Variants in PLK5 observed in about 807,000 individuals in gnomAD.
PLK5 encodes polo like kinase 5 (inactive).
A neutral mutation model predicts 33.7 loss-of-function variants in PLK5; 28 were observed. That is an observed-to-expected ratio of 0.83 (90% CI 0.62 to 1.14). The LOEUF (loss-of-function observed/expected upper bound fraction) is 1.14, where lower values mean the gene tolerates loss of function less well. Among genes scored for constraint, PLK5 ranks in the 50% most tolerant of loss-of-function variants. The pLI, the probability that PLK5 is intolerant of heterozygous loss-of-function variation, is 0.00. For missense variants in PLK5, 492 were observed against 461.5 expected, an observed-to-expected ratio of 1.07 and a Z score of -0.61; for synonymous variants, 225 against 202.2, an observed-to-expected ratio of 1.11 and a Z score of -0.96.
In PLK5 at chr19:1,524,600, CGTGTGTGT is replaced by C. The variant is rs57882577; in HGVS notation, c.-544+379_-544+386del. Among the ~76,000 whole-genome samples the C allele has an allele frequency of 0.046, 6,926 of 149,964 alleles. 513 individuals carry two copies. The highest frequency in any genetic ancestry group is 0.16 in the African/African-American group (6,432 of 40,772). The stretch of plus-strand genomic sequence containing the variant: ...AAGTGTCTGGGTGCTGTGCGGTGTT[CGTGTGTGT>C]GTGTGTGTGTGTGTGTGTGTGTGTC... On this transcript the variant is annotated intron_variant, in intron 1 of 13. Transcript: ENST00000454744. The surrounding 1 kb of genome is among the most constrained non-coding windows in gnomAD (Gnocchi z 4.5).
In PLK5 at chr19:1,524,088, G is replaced by A. The variant is rs1381037037; in HGVS notation, c.-702G>A. 6.6e-6 allele frequency: 1 copy of A among 151,236 alleles called. No individual in the cohort carries two copies. The highest frequency in any genetic ancestry group is 2.4e-5 in the African/African-American group (1 of 41,330). The allele number at this position is 151,236 out of a possible 1,614,324, so 9.4% of individuals were successfully genotyped here. On this transcript the variant is annotated 5_prime_UTR_variant, in exon 1 of 14. Coordinates refer to ENST00000454744, the MANE Select transcript of PLK5 (RefSeq NM_001243079.2). The surrounding 1 kb of genome is among the most constrained non-coding windows in gnomAD (Gnocchi z 4.5). ...GCTCCTGCGCCCTCAGAGCGGCCCC[G>A]GAGCGGCCGCAGCGCGGTGGTCTCG...
intron 12 of PLK5, 34 bp downstream of exon 12, chr19:1,531,917 G>C (rs779498048): frequency 7.0e-7 from 1 of 1,427,784 alleles, no homozygotes; most frequent in Non-Finnish European, 9.1e-7. Context: ...TGGGGGACCA[G>C]GCACTCCCCC....
chr19:1,534,633 G>A (rs1280984519), intron 13 of PLK5, among the ~76,000 whole-genome samples: 6 of 135,418 alleles, frequency 4.4e-5, no homozygotes, highest in African/African-American at 8.6e-5. Flanking sequence ...GTGAAACCCC[G>A]TCTCTACTAA....
chr19:1,527,037 G>GA, intron 6 of PLK5, 39 bp downstream of exon 6: 1 of 1,469,434 alleles, frequency 6.8e-7, no homozygotes, highest in Non-Finnish European at 9.0e-7. Flanking sequence ...GGGCCTCCGG[G>GA]GGGGGCAGGT....
chr19:1,532,993 C>G (rs1913977285), intron 12 of PLK5, among the ~76,000 whole-genome samples: 1 of 150,486 alleles, frequency 6.6e-6, no homozygotes, highest in Non-Finnish European at 1.5e-5. Context: ...AATTAGCCAA[C>G]TGCAAGGGTA....
At chr19:1,533,743 C>T (rs559720379) in intron 12 of PLK5, 188 bp from the exon 13 acceptor site, 23 of 606,280 alleles carry the variant, frequency 3.8e-5, no homozygotes, top group East Asian at 8.2e-5. Flanking sequence ...TGCCCAACTG[C>T]GGGAGGCTGG....
rs907573758 is a variant in PLK5, at chr19:1,526,541, A to G, written c.-257A>G. 3 of 281,772 alleles carry G rather than the reference A, an allele frequency of 1.1e-5. No individual in the cohort carries two copies. In the East Asian group the frequency reaches 3.7e-4, roughly 35 times the overall value. The allele number at this position is 281,772 out of a possible 1,614,324, so 17.5% of individuals were successfully genotyped here. A position where few individuals can be genotyped will look rare whatever the true frequency, so the allele number is the denominator to read the frequency against. Reference sequence around the variant, plus strand: ...ATCCTGACGGAGCCAGAAGTGCGCGACTACCTGCGGGGCCTGGTCAGCGGC... The same window carrying G: ...ATCCTGACGGAGCCAGAAGTGCGCGGCTACCTGCGGGGCCTGGTCAGCGGC... On this transcript the variant is annotated 5_prime_UTR_variant, in exon 4 of 14. Transcript: ENST00000454744.
chr19:1,534,810 CT>C (rs1914045762), intron 13 of PLK5, among the ~76,000 whole-genome samples: 1 of 126,528 alleles, frequency 7.9e-6, no homozygotes, highest in African/African-American at 3.8e-5. Context: ...GAGCAGGACT[CT>C]GTTTAAAAAA....
Position 1,530,780 on chromosome 19 carries a change from C to T in PLK5, c.568+956C>T, listed in dbSNP as rs147244292. On this transcript the variant is annotated intron_variant, in intron 11 of 13. Coordinates refer to ENST00000454744, the MANE Select transcript of PLK5 (RefSeq NM_001243079.2). ...GACTACAGGCACCCGCCACCATGCC[C>T]GGCTAATTTTTGTATTTATAGTAGA... is the stretch of plus-strand genomic sequence containing the variant. 8.4e-3 allele frequency among the ~76,000 whole-genome samples: 1,273 copies of T among 151,550 alleles called. 15 individuals carry two copies. The highest frequency in any genetic ancestry group is 0.028 in the African/African-American group (1,173 of 41,326).
intron 12 of PLK5, among the ~76,000 whole-genome samples, chr19:1,532,842 A>G (rs545376776): frequency 2.7e-4 from 41 of 149,606 alleles, no homozygotes; most frequent in African/African-American, 1.0e-3. Flanking sequence ...AATTTTTTGT[A>G]TTTTTAGTAG....
intron 9 of PLK5, 83 bp downstream of exon 9, chr19:1,529,057 C>T: frequency 8.1e-7 from 1 of 1,237,466 alleles, no homozygotes. Flanking sequence ...CCCATGCCGG[C>T]TTCTCTGAAC....
chr19:1,530,146 C>T (rs1474526761), intron 11 of PLK5, among the ~76,000 whole-genome samples: 1 of 152,022 alleles, frequency 6.6e-6, no homozygotes, highest in Non-Finnish European at 1.5e-5. Context: ...CAAAGGGGGA[C>T]CCCTCTTATC....
chr19:1,534,964 G>C, intron 13 of PLK5, 101 bp from the exon 14 acceptor site: 1 of 1,143,796 alleles, frequency 8.7e-7, no homozygotes, highest in African/African-American at 1.6e-5. Context: ...GCCAGACTGG[G>C]GGCTCTGGGT....
At chr19:1,527,135 G>A in intron 6 of PLK5, 137 bp downstream of exon 6, 2 of 926,682 alleles carry the variant, frequency 2.2e-6, no homozygotes, top group East Asian at 2.7e-5. Context: ...CAAGTGTGCA[G>A]TATGAACAGG....
At chr19:1,530,698 C>T (rs941061420) in intron 11 of PLK5, among the ~76,000 whole-genome samples, 1 of 136,098 alleles carries the variant, frequency 7.3e-6, no homozygotes, top group African/African-American at 2.7e-5. Context: ...CGGCTCACTG[C>T]AAGCTCTGCC....
At chr19:1,530,937 A>G (rs1568254057) in intron 11 of PLK5, among the ~76,000 whole-genome samples, 1 of 151,896 alleles carries the variant, frequency 6.6e-6, no homozygotes, top group African/African-American at 2.4e-5. Context: ...CATCTCTACA[A>G]AAAAATGAGC....
intron 13 of PLK5, 21 bp from the exon 14 acceptor site, chr19:1,535,044 C>CT: frequency 6.6e-7 from 1 of 1,505,818 alleles, no homozygotes; most frequent in Non-Finnish European, 8.8e-7. Flanking sequence ...CTCCCCTTGA[C>CT]TGGTATCTTA....
At chr19:1,532,150 C>T (rs567352460) in intron 12 of PLK5, among the ~76,000 whole-genome samples, 3 of 152,226 alleles carry the variant, frequency 2.0e-5, no homozygotes, top group South Asian at 2.1e-4. Flanking sequence ...GAATGACAAG[C>T]GGCAGCCCTG....
In PLK5 at chr19:1,531,722, CT is replaced by C; in HGVS notation, c.569-13del. ...ACCCCTGACCCCTGGCTCAGCATAC[CT>C]TTGTTTGTGCCCAGCCACACAGGAC... On this transcript the variant is annotated splice_polypyrimidine_tract_variant and intron_variant, in intron 11 of 13. Coordinates refer to ENST00000454744, the MANE Select transcript of PLK5 (RefSeq NM_001243079.2). The C allele has an allele frequency of 6.5e-7, 1 of 1,536,716 alleles. No homozygotes were observed. Among genetic ancestry groups the C allele is most frequent in the South Asian group, 1.2e-5 (1 of 84,052 alleles).
Sources: gnomAD v4.1 joint callset for allele counts (sites outside exome capture counted in the v4.1 genomes callset) on GRCh38, gnomAD v4.1.1 for gene constraint, Gnocchi (gnomAD v3.1) non-coding constraint, MANE v1.5 for transcripts, NCBI Gene and HGNC (gene_info 2026-07-23, HGNC 2026-07-21) for gene names.